Variants in ATRNL1 observed in about 807,000 individuals in gnomAD.
ATRNL1 encodes attractin-like protein 1.
Under a neutral mutation model 182.7 loss-of-function variants are expected in ATRNL1, and 95 were observed. The ratio of observed to expected loss-of-function variants is 0.52; its 90% CI spans 0.44 to 0.62. The LOEUF (loss-of-function observed/expected upper bound fraction) is 0.62. Ranked by LOEUF, ATRNL1 falls within the 20% of genes least tolerant of loss-of-function variation. The pLI is 0.00. For synonymous variants in ATRNL1, 576 were observed against 568.3 expected (o/e 1.01, Z -0.19); for missense variants, 1,471 against 1,679.5 (o/e 0.88, Z 2.17).
intron 19 of ATRNL1, among the ~76,000 whole-genome samples, chr10:115,343,732 G>A (rs1484971456): frequency 5.3e-5 from 8 of 152,094 alleles, no homozygotes; most frequent in Admixed American, 2.0e-4. Context: ...GGTATTTATT[G>A]TAGCCCCCAC....
intron 25 of ATRNL1, among the ~76,000 whole-genome samples, chr10:115,530,022 AAT>A (rs1369298555): frequency 6.6e-6 from 1 of 152,102 alleles, no homozygotes; most frequent in Admixed American, 6.6e-5. Flanking sequence ...TCATTAGCAC[AAT>A]GTTTCTTATC....
chr10:115,203,911 T>C (rs1848700453), intron 8 of ATRNL1, among the ~76,000 whole-genome samples: 1 of 151,842 alleles, frequency 6.6e-6, no homozygotes, highest in African/African-American at 2.4e-5. Context: ...TTGGGTCAAC[T>C]TTAAAATTTA....
intron 27 of ATRNL1, among the ~76,000 whole-genome samples, chr10:115,728,054 T>C (rs1555060952): frequency 7.2e-6 from 1 of 138,268 alleles, no homozygotes; most frequent in African/African-American, 2.8e-5. Flanking sequence ...GGTGGGCAGA[T>C]CACGAGGTCA....
At chr10:115,650,601 G>T (rs575681955) in intron 26 of ATRNL1, among the ~76,000 whole-genome samples, 2 of 152,102 alleles carry the variant, frequency 1.3e-5, no homozygotes, top group East Asian at 3.9e-4. Flanking sequence ...TGACCATGTT[G>T]ATTTAAAAAG....
At chr10:115,504,738 AG>A (rs1231085669) in intron 24 of ATRNL1, among the ~76,000 whole-genome samples, 1 of 152,098 alleles carries the variant, frequency 6.6e-6, no homozygotes, top group Non-Finnish European at 1.5e-5. Context: ...AACTTGAAAA[AG>A]CATTTGACTA....
intron 1 of ATRNL1, among the ~76,000 whole-genome samples, chr10:115,111,605 A>C (rs2143534233): frequency 6.6e-6 from 1 of 152,240 alleles, no homozygotes; most frequent in East Asian, 1.9e-4. Context: ...ATAGAGTGAG[A>C]ACTCACTCTT....
At chr10:115,780,505 C>T (rs530480065) in intron 27 of ATRNL1, among the ~76,000 whole-genome samples, 7 of 152,286 alleles carry the variant, frequency 4.6e-5, no homozygotes, top group African/African-American at 1.2e-4. Flanking sequence ...TGTGCCACCC[C>T]TCCCCAAACC....
At chr10:115,615,025 A>T (rs898664600) in intron 26 of ATRNL1, among the ~76,000 whole-genome samples, 2 of 151,960 alleles carry the variant, frequency 1.3e-5, no homozygotes, top group Admixed American at 1.3e-4. Flanking sequence ...TTTACATTCA[A>T]GGTTTTTACT....
chr10:115,334,524 A>T (rs1199739045), intron 19 of ATRNL1, 105 bp downstream of exon 19: 1 of 775,928 alleles, frequency 1.3e-6, no homozygotes, highest in Non-Finnish European at 1.8e-6. Flanking sequence ...AAAATTTTTT[A>T]CTCAGTTTTA....
chr10:115,405,000 T>A (rs1424093684), intron 20 of ATRNL1, among the ~76,000 whole-genome samples: 1 of 152,050 alleles, frequency 6.6e-6, no homozygotes, highest in South Asian at 2.1e-4. Flanking sequence ...GAATTGCTAA[T>A]AAAAAAGAAA....
chr10:115,338,257 A>G (rs1855585393), intron 19 of ATRNL1, among the ~76,000 whole-genome samples: 1 of 152,190 alleles, frequency 6.6e-6, no homozygotes, highest in East Asian at 1.9e-4. Flanking sequence ...ATACCCAGCC[A>G]TGGAATTGCT....
In ATRNL1 at chr10:115,574,612, A is replaced by G. The variant is rs370851370; in HGVS notation, c.3795+25076A>G. ...TTCCTTGCTAAATGTGTTACCATCT[A>G]CTTCAATCTCAATCACATTTAAATC... On this transcript the variant is annotated intron_variant, in intron 26 of 28. Coordinates refer to ENST00000355044, the MANE Select transcript of ATRNL1 (RefSeq NM_207303.4). Among the ~76,000 whole-genome samples, 20 of 152,226 alleles carry G rather than the reference A, an allele frequency of 1.3e-4. No homozygotes were observed. In the East Asian group the frequency reaches 3.1e-3, roughly 24 times the overall value.
At chr10:115,299,358 T>A (rs1301790592) in intron 15 of ATRNL1, among the ~76,000 whole-genome samples, 1 of 152,048 alleles carries the variant, frequency 6.6e-6, no homozygotes, top group Admixed American at 6.6e-5. Context: ...AGAATAGTTA[T>A]GTAGTATTTG....
At chr10:115,557,649 G>C (rs141454219) in intron 26 of ATRNL1, among the ~76,000 whole-genome samples, 17 of 152,254 alleles carry the variant, frequency 1.1e-4, no homozygotes, top group African/African-American at 4.1e-4. Flanking sequence ...ACTGAAGTTT[G>C]ATGAGAAAGA....
At chr10:115,672,190 G>A (rs142747214) in intron 26 of ATRNL1, among the ~76,000 whole-genome samples, 208 of 152,106 alleles carry the variant, frequency 1.4e-3, no homozygotes, top group African/African-American at 4.7e-3. Context: ...GTCTTTATAT[G>A]ATCTAACCCT....
rs191244348 is a variant in ATRNL1 at position 115,277,179 on chromosome 10, A to T, written c.2101-4176A>T. 8.2e-3 allele frequency among the ~76,000 whole-genome samples: 1,247 copies of T among 152,134 alleles called. 16 individuals are homozygous for T. The highest frequency in any genetic ancestry group is 0.012 in the Non-Finnish European group (834 of 67,904). On this transcript the variant is annotated intron_variant, in intron 13 of 28. Transcript: ENST00000355044. ...AAAATTATGAATCAGAACAAATAAC[A>T]ATAAGAAAGTATGTTTCTAATGAAA...
At chr10:115,216,627 A>G (rs1450977296) in intron 9 of ATRNL1, among the ~76,000 whole-genome samples, 1 of 151,978 alleles carries the variant, frequency 6.6e-6, no homozygotes, top group African/African-American at 2.4e-5. Flanking sequence ...TTTTGGTTAT[A>G]GAAGTTTTAA....
intron 18 of ATRNL1, among the ~76,000 whole-genome samples, chr10:115,321,592 C>T (rs1387118414): frequency 6.7e-6 from 1 of 148,210 alleles, no homozygotes; most frequent in East Asian, 2.0e-4. Context: ...TGTTTCAGGT[C>T]TTGGCTAGTG....
At chr10:115,122,043 AT>A (rs1412781177) in intron 3 of ATRNL1, among the ~76,000 whole-genome samples, 5 of 152,102 alleles carry the variant, frequency 3.3e-5, no homozygotes, top group African/African-American at 1.2e-4. Context: ...CTTTCTAAAT[AT>A]TTTTTATTCT....
Sources: gnomAD v4.1 joint callset for allele counts (sites outside exome capture counted in the v4.1 genomes callset) on GRCh38, gnomAD v4.1.1 for gene constraint, MANE v1.5 for transcripts, NCBI Gene and HGNC (gene_info 2026-07-23, HGNC 2026-07-21) for gene names.